The following AFF1 variants were observed in gnomAD, a reference collection of about 807,000 sequenced individuals.
The protein encoded by AFF1 is ALF transcription elongation factor 1.
Under a neutral mutation model 121.7 loss-of-function variants are expected in AFF1, and 48 were observed. The ratio of observed to expected loss-of-function variants is 0.39; its 90% CI spans 0.31 to 0.50. AFF1 has a LOEUF of 0.50. AFF1 is among the 20% of genes least tolerant of loss of function. The pLI is 0.76. For missense variants in AFF1, 1,523 were observed against 1,511.7 expected (o/e 1.01, Z -0.12); for synonymous variants, 613 against 563.0 (o/e 1.09, Z -1.26).
chr4:86,963,529 T>G (rs1453328128), intron 2 of AFF1, among the ~76,000 whole-genome samples: 1 of 152,210 alleles, frequency 6.6e-6, no homozygotes, highest in East Asian at 1.9e-4. Flanking sequence ...GCATCTACTC[T>G]TTTTCATCCA....
intron 2 of AFF1, among the ~76,000 whole-genome samples, chr4:86,995,010 G>A (rs1725006145): frequency 6.6e-6 from 1 of 152,116 alleles, no homozygotes; most frequent in South Asian, 2.1e-4. Flanking sequence ...GGAGGCCAAG[G>A]CAGGTGGATC....
In AFF1 at chr4:87,115,029, C is replaced by T. The variant is rs758756205; in HGVS notation, c.2196C>T (p.Arg732=). The change falls in exon 12 of 21, where the codon CGC becomes CGT. Residue 732 remains arginine (R), a synonymous_variant. Transcript: ENST00000395146. ...GCGGCAGCAGGACTAGTGGCTGCCG[C>T]CAAGCCGTGGTGGTCCAGGAGGACA... ...SGSGSRTSGC[R]QAVVVQEDSR... The T allele has an allele frequency of 6.2e-7, 1 of 1,606,786 alleles. No individual in the cohort carries two copies. The highest frequency in any genetic ancestry group is 8.5e-7 in the Non-Finnish European group (1 of 1,178,230).
rs562545369 is a variant in AFF1, at chr4:86,947,855, TG to T, written c.-36-641del. On this transcript the variant is annotated intron_variant, in intron 1 of 20. Transcript: ENST00000395146. ...GTTTTGATTAAGTACCTTTAATGAG[TG>T]GAAGTAAAATCTTAAGATTGATTGT... Among the ~76,000 whole-genome samples, 9 of 151,664 alleles carry T rather than the reference TG, an allele frequency of 5.9e-5. 1 individual carries two copies. Among genetic ancestry groups the T allele is most frequent in the Admixed American group, 5.9e-4 (9 of 15,188 alleles).
At position 87,102,528 on chromosome 4, in the gene AFF1, A is replaced by G. The variant is rs186404881; in HGVS notation, c.1284-3100A>G. ...TTCCTCATCCTTAGAATGTGAAGGG[A>G]TGGTCAAAAGCCACCACACAGGATT... On this transcript the variant is annotated intron_variant, in intron 8 of 20. Transcript: ENST00000395146. Among the ~76,000 whole-genome samples, 315 of 152,214 alleles carry G rather than the reference A, an allele frequency of 2.1e-3. 5 individuals carry two copies. Among genetic ancestry groups the G allele is most frequent in the African/African-American group, 6.4e-3 (267 of 41,532 alleles).
intron 2 of AFF1, among the ~76,000 whole-genome samples, chr4:86,984,659 G>A (rs1028798137): frequency 8.5e-5 from 13 of 152,164 alleles, no homozygotes; most frequent in Non-Finnish European, 1.3e-4. Flanking sequence ...AAGAAAGCTG[G>A]ATACAGTGGT....
intron 4 of AFF1, among the ~76,000 whole-genome samples, chr4:87,070,647 A>G (rs575936290): frequency 7.2e-5 from 11 of 152,384 alleles, no homozygotes; most frequent in African/African-American, 2.4e-4. Flanking sequence ...GAAACTTACA[A>G]TTTAAGTCAA....
intron 4 of AFF1, among the ~76,000 whole-genome samples, chr4:87,080,077 G>A (rs1342520055): frequency 6.6e-6 from 1 of 152,144 alleles, no homozygotes; most frequent in Non-Finnish European, 1.5e-5. Flanking sequence ...GCTTGTTAAG[G>A]CCATATCCCA....
chr4:87,102,535 A>G (rs867806298), intron 8 of AFF1, among the ~76,000 whole-genome samples: 42 of 152,300 alleles, frequency 2.8e-4, no homozygotes, highest in African/African-American at 8.9e-4. Flanking sequence ...GGGATGGTCA[A>G]AAGCCACCAC....
chr4:87,022,588 C>CTA (rs201253125), intron 2 of AFF1, among the ~76,000 whole-genome samples: 1 of 108,294 alleles, frequency 9.2e-6, no homozygotes, highest in African/African-American at 3.5e-5. Context: ...ATATATCTAT[C>CTA]TATATCTATC....
chr4:87,048,430 C>T (rs1001224805), intron 4 of AFF1, among the ~76,000 whole-genome samples: 10 of 152,166 alleles, frequency 6.6e-5, no homozygotes, highest in African/African-American at 2.4e-4. Context: ...AAAGTGGTAC[C>T]AATTTCTCCA....
chr4:86,948,608 A>G, intron 2 of AFF1, 37 bp downstream of exon 2: 1 of 1,519,062 alleles, frequency 6.6e-7, no homozygotes, highest in Non-Finnish European at 8.8e-7. Flanking sequence ...ACATGCTGAT[A>G]TTTAATTTTA....
At chr4:87,115,444 TC>T in intron 12 of AFF1, 145 bp downstream of exon 12, 1 of 863,318 alleles carries the variant, frequency 1.2e-6, no homozygotes, top group Non-Finnish European at 1.7e-6. Flanking sequence ...TGCATCTTCT[TC>T]CAGCATTACC....
intron 2 of AFF1, among the ~76,000 whole-genome samples, chr4:86,949,178 A>G (rs918894530): frequency 9.4e-6 from 1 of 106,900 alleles, no homozygotes; most frequent in African/African-American, 3.1e-5. Flanking sequence ...ATATATATAT[A>G]TATTTTTTTT....
Position 87,034,588 on chromosome 4 carries a change from G to A in AFF1, c.39-11578G>A, listed in dbSNP as rs555858623. ...TATTTTCTCTAAGTGTTACCCAAAC[G>A]TAGTACCTTTTCTTTTACTGTAGAG... On this transcript the variant is annotated intron_variant, in intron 2 of 20. Transcript: ENST00000395146. 3.3e-5 allele frequency among the ~76,000 whole-genome samples: 5 copies of A among 152,284 alleles called. No individual in the cohort carries two copies. The South Asian group carries it at 6.2e-4, about 19-fold the overall frequency.
At chr4:87,022,932 A>T (rs1213728185) in intron 2 of AFF1, among the ~76,000 whole-genome samples, 8 of 152,010 alleles carry the variant, frequency 5.3e-5, no homozygotes, top group African/African-American at 1.9e-4. Context: ...ATATAGATGG[A>T]GTCTCTGTTG....
At chr4:87,029,369 G>A (rs543152991) in intron 2 of AFF1, among the ~76,000 whole-genome samples, 4 of 152,304 alleles carry the variant, frequency 2.6e-5, no homozygotes, top group African/African-American at 9.6e-5. Context: ...TTAACGTTAT[G>A]AAGACTGTCA....
rs941180136 is a variant in AFF1, at chr4:86,960,068, C to A, written c.38+11497C>A. 2.6e-5 allele frequency among the ~76,000 whole-genome samples: 4 copies of A among 152,198 alleles called. No individual in the cohort carries two copies. In the East Asian group the frequency reaches 7.7e-4, roughly 29 times the overall value. ...GGGGTGATAAATGGGGGCTGCTGGA[C>A]TCATTACTTGTAAACAAAGCTGAGG... On this transcript the variant is annotated intron_variant, in intron 2 of 20. Coordinates refer to ENST00000395146, the MANE Select transcript of AFF1 (RefSeq NM_001166693.3).
intron 2 of AFF1, among the ~76,000 whole-genome samples, chr4:87,044,167 TTCTC>T (rs888818314): frequency 2.0e-5 from 3 of 152,184 alleles, no homozygotes; most frequent in Admixed American, 6.5e-5. Flanking sequence ...GGCAGCTAAT[TTCTC>T]TCCATACATC....
intron 4 of AFF1, among the ~76,000 whole-genome samples, chr4:87,055,284 C>T (rs1157566122): frequency 6.6e-6 from 1 of 152,080 alleles, no homozygotes; most frequent in Admixed American, 6.5e-5. Flanking sequence ...TCTTAAATTG[C>T]TAAAAATTAA....
Sources: allele counts gnomAD v4.1 joint callset (sites outside exome capture counted in the v4.1 genomes callset), GRCh38; gene constraint gnomAD v4.1.1; transcripts MANE v1.5; gene names NCBI Gene and HGNC (gene_info 2026-07-23, HGNC 2026-07-21).